Variants in MYCBP2 observed in about 807,000 individuals in gnomAD.
MYCBP2 encodes the protein E3 ubiquitin-protein ligase MYCBP2.
A neutral mutation model predicts 525.3 loss-of-function variants in MYCBP2; 120 were observed. The ratio of observed to expected loss-of-function variants is 0.23; its 90% confidence interval spans 0.20 to 0.27. The LOEUF is 0.27. Ranked by LOEUF, MYCBP2 falls within the 10% of genes least tolerant of loss-of-function variation. MYCBP2 has a pLI of 1.00. For synonymous variants in MYCBP2, 1,894 were observed against 1,955.8 expected, an observed-to-expected ratio of 0.97 and a Z score of 0.83; for missense variants, 4,149 against 5,657.1, an observed-to-expected ratio of 0.73 and a Z score of 8.55.
At chr13:77,164,183 C>T (rs2058271500) in intron 43 of MYCBP2, among the ~76,000 whole-genome samples, 1 of 152,016 alleles carries the variant, frequency 6.6e-6, no homozygotes, top group Admixed American at 6.6e-5. Flanking sequence ...ATATTCAGTG[C>T]TTGGCTGAAT....
intron 61 of MYCBP2, 37 bp downstream of exon 61, chr13:77,088,795 A>T (rs766038821): frequency 6.6e-7 from 1 of 1,524,232 alleles, no homozygotes. Flanking sequence ...TGATTTGTAT[A>T]ATCAATGAAT....
At chr13:77,079,095 T>C (rs2042846790) in intron 65 of MYCBP2, among the ~76,000 whole-genome samples, 1 of 152,146 alleles carries the variant, frequency 6.6e-6, no homozygotes, top group Non-Finnish European at 1.5e-5. Flanking sequence ...ATTGCACATT[T>C]CAGCCTCTCT....
chr13:77,070,364 G>A (rs1459182604), intron 69 of MYCBP2, among the ~76,000 whole-genome samples: 1 of 152,106 alleles, frequency 6.6e-6, no homozygotes, highest in Non-Finnish European at 1.5e-5. Flanking sequence ...CTTTGAATGT[G>A]GCCCAACACA....
Position 77,273,566 on chromosome 13 carries a change from C to T in MYCBP2, c.851G>A (p.Ser284Asn). 1 of 1,613,822 alleles carries T rather than the reference C, an allele frequency of 6.2e-7. No homozygotes were observed. The highest frequency in any genetic ancestry group is 1.7e-5 in the Admixed American group (1 of 59,936). Residue 284 changes from serine (S) to asparagine (N), a missense_variant, in exon 5 of 83, where the codon AGT becomes AAT. Coordinates refer to ENST00000544440, the MANE Select transcript of MYCBP2 (RefSeq NM_015057.5). Reference sequence around the variant, plus strand: ...TGTTTCTCCCCAAGAAGCCACCAGACTAAAGAGGCAAGCACAGGAAAGTGC... The same window carrying T: ...TGTTTCTCCCCAAGAAGCCACCAGATTAAAGAGGCAAGCACAGGAAAGTGC... ...LTALSCACLF[S>N]LVASWGETGR...
Position 77,169,622 on chromosome 13 carries a change from T to A in MYCBP2, c.5887A>T (p.Ile1963Phe), listed in dbSNP as rs200019716. 6.8e-6 allele frequency: 11 copies of A among 1,611,518 alleles called. No individual in the cohort carries two copies. In the East Asian group the frequency reaches 2.5e-4, roughly 36 times the overall value. Residue 1963 changes from isoleucine to phenylalanine, a missense_variant, in exon 39 of 83, where the codon ATT becomes TTT. Coordinates refer to ENST00000544440, the MANE Select transcript of MYCBP2 (RefSeq NM_015057.5). ...AGAATTAAATTACACACCTTGGGAA[T>A]AGCAGCAGCTACTGGTCCTATGTAG... is the stretch of plus-strand genomic sequence containing the variant. The part of the protein sequence containing the change: ...IAYIGPVAAA[I>F]PKVAVEVFGL...
At chr13:77,295,078 A>T (rs551877707) in intron 2 of MYCBP2, among the ~76,000 whole-genome samples, 1 of 152,206 alleles carries the variant, frequency 6.6e-6, no homozygotes, top group Non-Finnish European at 1.5e-5. Flanking sequence ...ACAGGTAATA[A>T]GTCCACACAC....
rs548584221 is a variant in MYCBP2 at position 77,117,140 on chromosome 13, T to G, written c.8140+4233A>C. On this transcript the variant is annotated intron_variant, in intron 55 of 82. Coordinates refer to ENST00000544440, the MANE Select transcript of MYCBP2 (RefSeq NM_015057.5). ...CTGATGCAACACAAAATTAATAAAC[T>G]AACTCCTCACTTCTGTTTCATTCTT... Among the ~76,000 whole-genome samples, 3 of 152,174 alleles carry G rather than the reference T, an allele frequency of 2.0e-5. No individual in the cohort carries two copies. The East Asian group carries it at 5.8e-4, about 29-fold the overall frequency.
chr13:77,313,288 C>T (rs2080499877), intron 1 of MYCBP2, among the ~76,000 whole-genome samples: 1 of 151,748 alleles, frequency 6.6e-6, no homozygotes, highest in South Asian at 2.1e-4. Flanking sequence ...TAGGATTCCA[C>T]CTTAAGAAAT....
chr13:77,045,584 T>TTCTTTGAATAAC, intron 82 of MYCBP2, 91 bp from the exon 83 acceptor site: 1 of 764,996 alleles, frequency 1.3e-6, no homozygotes, highest in Non-Finnish European at 2.2e-6. Context: ...GATAGGTTAT[T>TTCTTTGAATAAC]CAAAGAAATA....
At chr13:77,221,368 A>C (rs1227517677) in intron 20 of MYCBP2, among the ~76,000 whole-genome samples, 1 of 152,108 alleles carries the variant, frequency 6.6e-6, no homozygotes, top group African/African-American at 2.4e-5. Flanking sequence ...GTTTTTAGGT[A>C]ATCTCTTCAT....
chr13:77,172,205 ATT>A (rs1011395491), intron 37 of MYCBP2, among the ~76,000 whole-genome samples: 3 of 145,468 alleles, frequency 2.1e-5, no homozygotes, highest in Admixed American at 6.9e-5. Context: ...GCTGACCTGA[ATT>A]TTTTTTTTTT....
At position 77,089,594 on chromosome 13, in the gene MYCBP2, T is replaced by C. The variant is rs144601872; in HGVS notation, c.10525+512A>G. ...TTTTAAAATTATTCTTGAGGTAGAA[T>C]CCCCAGCTCCAATTTGGGGCTGTTG... On this transcript the variant is annotated intron_variant, in intron 60 of 82. Coordinates refer to ENST00000544440, the MANE Select transcript of MYCBP2 (RefSeq NM_015057.5). 1.0e-3 allele frequency among the ~76,000 whole-genome samples: 157 copies of C among 152,046 alleles called. 1 individual carries two copies. The highest frequency in any genetic ancestry group is 3.4e-3 in the Middle Eastern group (1 of 292).
intron 44 of MYCBP2, 57 bp downstream of exon 44, chr13:77,161,849 G>T: frequency 7.5e-7 from 1 of 1,337,006 alleles, no homozygotes; most frequent in South Asian, 1.3e-5. Flanking sequence ...TGATCTGAGT[G>T]ACAATACTTT....
At chr13:77,095,643 A>G (rs2046124886) in intron 57 of MYCBP2, 41 bp from the exon 58 acceptor site, 2 of 1,588,322 alleles carry the variant, frequency 1.3e-6, no homozygotes, top group Non-Finnish European at 1.7e-6. Flanking sequence ...TCTGACTTAC[A>G]TTAAAATCCT....
intron 52 of MYCBP2, among the ~76,000 whole-genome samples, chr13:77,135,450 T>C (rs2053596764): frequency 6.6e-6 from 1 of 152,186 alleles, no homozygotes. Context: ...TGTCCTACCA[T>C]GTTTAGCCCT....
At chr13:77,175,739 T>A (rs2154239156) in intron 36 of MYCBP2, among the ~76,000 whole-genome samples, 1 of 152,216 alleles carries the variant, frequency 6.6e-6, no homozygotes, top group South Asian at 2.1e-4. Flanking sequence ...GCGGAGTGGA[T>A]CACTTGAGGG....
At chr13:77,051,447 T>C (rs2036792711) in intron 81 of MYCBP2, among the ~76,000 whole-genome samples, 1 of 152,230 alleles carries the variant, frequency 6.6e-6, no homozygotes, top group South Asian at 2.1e-4. Context: ...GTTTTATGGC[T>C]GGTCAAACTG....
rs1414634258 is a variant in MYCBP2, at chr13:77,243,912, C to T, written c.2421G>A (p.Val807=). The part of the protein sequence containing the change: ...GCGSGESGCA[V]CGCCKACARE... ...TTGCACAGGCCTTGCAACATCCACA[C>T]ACAGCACAACCAGATTCTCCGGAAC... Residue 807 remains valine (V), a synonymous_variant, in exon 16 of 83, where the codon GTG becomes GTA. Coordinates refer to ENST00000544440, the MANE Select transcript of MYCBP2 (RefSeq NM_015057.5). 1 of 1,608,274 alleles carries T rather than the reference C, an allele frequency of 6.2e-7. No homozygotes were observed. Among genetic ancestry groups the T allele is most frequent in the East Asian group, 2.2e-5 (1 of 44,666 alleles).
chr13:77,213,609 A>T (rs529673575), intron 21 of MYCBP2, among the ~76,000 whole-genome samples: 1 of 152,356 alleles, frequency 6.6e-6, no homozygotes, highest in African/African-American at 2.4e-5. Flanking sequence ...CTTACTACCA[A>T]CTAATATGAA....
Sources: gnomAD v4.1 joint callset for allele counts (sites outside exome capture counted in the v4.1 genomes callset) on GRCh38, gnomAD v4.1.1 for gene constraint, MANE v1.5 for transcripts, NCBI Gene and HGNC (gene_info 2026-07-23, HGNC 2026-07-21) for gene names.